The following WDPCP variants were observed in gnomAD, a reference collection of about 807,000 sequenced individuals.
WDPCP encodes the protein WD repeat containing planar cell polarity effector, also known as WD repeat-containing and planar cell polarity effector protein fritz homolog.
In WDPCP, 71 loss-of-function variants were observed where a neutral mutation model predicts 93.1. The ratio of observed to expected loss-of-function variants is 0.76; its 90% CI spans 0.63 to 0.93. The LOEUF (loss-of-function observed/expected upper bound fraction) is 0.93, where lower values mean the gene tolerates loss of function less well. WDPCP is among the 40% of genes least tolerant of loss of function. The pLI, the probability that WDPCP is intolerant of heterozygous loss-of-function variation, is 0.00. For missense variants in WDPCP, 844 were observed against 887.4 expected, an observed-to-expected ratio of 0.95 and a Z score of 0.62; for synonymous variants, 315 against 315.0, an observed-to-expected ratio of 1.00 and a Z score of 0.00.
chr2:63,215,970 T>G lies in WDPCP; in HGVS notation c.1916-41138A>C, dbSNP rs888615609. On this transcript the variant is annotated intron_variant, in intron 14 of 17. Coordinates refer to ENST00000272321, the MANE Select transcript of WDPCP (RefSeq NM_015910.7). Reference sequence around the variant, plus strand: ...CACATGAAAAAATGCTCGTCATCACTGGCCATCAGAGAAATGCAAATCAAA... The same window carrying G: ...CACATGAAAAAATGCTCGTCATCACGGGCCATCAGAGAAATGCAAATCAAA... Among the ~76,000 whole-genome samples, 3 of 152,252 alleles carry G rather than the reference T, an allele frequency of 2.0e-5. No individual in the cohort carries two copies. In the East Asian group the frequency reaches 5.8e-4, roughly 29 times the overall value.
chr2:63,756,691 A>G (rs1669973589), intron 2 of WDPCP, among the ~76,000 whole-genome samples: 1 of 152,202 alleles, frequency 6.6e-6, no homozygotes. Flanking sequence ...TTCCTCATAT[A>G]AAAACAAATA....
chr2:63,388,588 G>T (rs112675040), intron 10 of WDPCP, among the ~76,000 whole-genome samples: 121,771 of 152,178 alleles, frequency 0.8, 49,604 homozygotes, highest in East Asian at 0.96. Context: ...AGGTTGGTAA[G>T]AACAAACTTC....
intron 1 of WDPCP, among the ~76,000 whole-genome samples, chr2:63,560,187 C>T (rs892398115): frequency 6.6e-6 from 1 of 152,068 alleles, no homozygotes; most frequent in Non-Finnish European, 1.5e-5. Flanking sequence ...CGCACCATTT[C>T]ATTCCAGCCT....
intron 1 of WDPCP, among the ~76,000 whole-genome samples, chr2:63,556,523 A>G (rs1376729096): frequency 2.0e-5 from 3 of 152,202 alleles, no homozygotes; most frequent in Admixed American, 2.0e-4. Context: ...CCTTTAGCTC[A>G]GTGAAATTTG....
intron 10 of WDPCP, 51 bp downstream of exon 10, chr2:63,403,997 T>C (rs939843890): frequency 1.2e-6 from 2 of 1,609,202 alleles, no homozygotes; most frequent in Non-Finnish European, 1.7e-6. Flanking sequence ...CTTAATTATG[T>C]CACTATCCTA....
At chr2:63,425,849 G>A (rs1209037636) in intron 9 of WDPCP, among the ~76,000 whole-genome samples, 1 of 152,174 alleles carries the variant, frequency 6.6e-6, no homozygotes, top group African/African-American at 2.4e-5. Flanking sequence ...TAGAGAGACT[G>A]ATATGCAAAT....
intron 2 of WDPCP, among the ~76,000 whole-genome samples, chr2:63,808,541 G>A (rs188139008): frequency 2.6e-4 from 39 of 152,322 alleles, no homozygotes; most frequent in African/African-American, 7.2e-4. Context: ...ACGGGGTTTC[G>A]CTGTGTTGGC....
chr2:63,323,180 C>G (rs1450295220), intron 12 of WDPCP, among the ~76,000 whole-genome samples: 1 of 152,236 alleles, frequency 6.6e-6, no homozygotes, highest in Non-Finnish European at 1.5e-5. Context: ...ACTTGCCCAT[C>G]TATTCTATCT....
chr2:63,449,776 G>A lies in WDPCP; in HGVS notation c.385-9905C>T, dbSNP rs139824432. The stretch of plus-strand genomic sequence containing the variant: ...GTACTGGGTCATGGACCCTACCCCT[G>A]AGACCTAAGTGGCTGCAGCTGGGCA... On this transcript the variant is annotated intron_variant, in intron 6 of 17. Coordinates refer to ENST00000272321, the MANE Select transcript of WDPCP (RefSeq NM_015910.7). Among the ~76,000 whole-genome samples the A allele has an allele frequency of 3.8e-4, 58 of 152,238 alleles. 1 individual carries two copies. Among genetic ancestry groups the A allele is most frequent in the Admixed American group, 3.3e-3 (50 of 15,298 alleles).
rs1174346415 is a variant in WDPCP, at chr2:63,776,086, CATACATACA to C, written n.308+37527_308+37535del. On this transcript the variant is annotated intron_variant and non_coding_transcript_variant, in intron 2 of 4. Coordinates refer to the WDPCP transcript ENST00000467687. Reference sequence around the variant, plus strand: ...CTATAAATACACATATACATACATACATACATACATACATACATACATACATACATACAC... The same window carrying C: ...CTATAAATACACATATACATACATACTACATACATACATACATACATACAC... Among the ~76,000 whole-genome samples, 5 of 93,240 alleles carry C rather than the reference CATACATACA, an allele frequency of 5.4e-5. No homozygotes were observed. The East Asian group carries it at 0.015, about 279-fold the overall frequency. 61.2% of individuals were successfully genotyped at this position (93,240 alleles called of 152,430 possible). A position where few individuals can be genotyped will look rare whatever the true frequency, so the allele number is the denominator to read the frequency against.
At chr2:63,291,145 TA>T (rs1384859956) in intron 13 of WDPCP, among the ~76,000 whole-genome samples, 1 of 152,160 alleles carries the variant, frequency 6.6e-6, no homozygotes, top group Non-Finnish European at 1.5e-5. Flanking sequence ...TTCTACTGAG[TA>T]AATGTTTCAT....
At chr2:63,130,691 G>T (rs1266190975) in intron 17 of WDPCP, among the ~76,000 whole-genome samples, 1 of 151,888 alleles carries the variant, frequency 6.6e-6, no homozygotes, top group African/African-American at 2.4e-5. Context: ...GGAGAGTTCT[G>T]TATGTGTCTG....
chr2:63,601,869 T>C (rs1709424788), intron 3 of WDPCP, among the ~76,000 whole-genome samples: 1 of 152,240 alleles, frequency 6.6e-6, no homozygotes, highest in African/African-American at 2.4e-5. Context: ...TAAATTTATC[T>C]TTTTCTATAT....
At chr2:63,532,205 T>A (rs947953748) in intron 1 of WDPCP, among the ~76,000 whole-genome samples, 6 of 151,910 alleles carry the variant, frequency 3.9e-5, no homozygotes, top group Non-Finnish European at 7.4e-5. Context: ...AGAAATATGG[T>A]AATATGTGAA....
chr2:63,687,141 T>C (rs1668816827), intron 2 of WDPCP, among the ~76,000 whole-genome samples: 1 of 152,162 alleles, frequency 6.6e-6, no homozygotes, highest in Non-Finnish European at 1.5e-5. Flanking sequence ...TGGGCCACAT[T>C]GAAAGCCATC....
chr2:63,575,399 G>C (rs369507994), intron 1 of WDPCP, among the ~76,000 whole-genome samples: 17 of 21,374 alleles, frequency 8.0e-4, no homozygotes, highest in East Asian at 1.4e-3. Flanking sequence ...GGTATATACA[G>C]TATATATACA....
chr2:63,560,138 G>A lies in WDPCP; in HGVS notation c.75+28059C>T, dbSNP rs141696344. Among the ~76,000 whole-genome samples the A allele has an allele frequency of 2.8e-3, 420 of 152,202 alleles. 2 individuals are homozygous for A. The highest frequency in any genetic ancestry group is 9.4e-3 in the African/African-American group (390 of 41,502). ...TTTGGGAAGCTCAGGCAGGAGAACC[G>A]CTTGAAGCTGGGAGGTGGAACTTGC... On this transcript the variant is annotated intron_variant, in intron 1 of 17. Coordinates refer to ENST00000272321, the MANE Select transcript of WDPCP (RefSeq NM_015910.7).
intron 14 of WDPCP, among the ~76,000 whole-genome samples, chr2:63,210,872 T>G (rs1296300157): frequency 6.6e-6 from 1 of 152,184 alleles, no homozygotes; most frequent in Non-Finnish European, 1.5e-5. Context: ...CACAGCAGTC[T>G]GAGATCAAAC....
At chr2:63,545,707 A>G (rs1049602056) in intron 1 of WDPCP, among the ~76,000 whole-genome samples, 5 of 152,070 alleles carry the variant, frequency 3.3e-5, no homozygotes, top group African/African-American at 1.2e-4. Context: ...ATCCACCTAG[A>G]AACATTCAAG....
Sources: allele counts gnomAD v4.1 joint callset (sites outside exome capture counted in the v4.1 genomes callset), GRCh38; gene constraint gnomAD v4.1.1; transcripts MANE v1.5; gene names NCBI Gene and HGNC (gene_info 2026-07-23, HGNC 2026-07-21).